Variants in IQSEC3 observed in about 807,000 individuals in gnomAD.
IQSEC3 encodes the protein IQ motif and Sec7 domain ArfGEF 3.
Under a neutral mutation model 105.4 loss-of-function variants are expected in IQSEC3, and 50 were observed. That is an observed-to-expected ratio of 0.47 (90% CI 0.38 to 0.60). The LOEUF is 0.60. IQSEC3 is among the 20% of genes least tolerant of loss of function. IQSEC3 has a pLI of 0.00. For missense variants in IQSEC3, 1,415 were observed against 1,630.0 expected (o/e 0.87, Z 2.27); for synonymous variants, 708 against 746.0 (o/e 0.95, Z 0.83).
At chr12:154,696 C>T (rs60745567) in intron 5 of IQSEC3, among the ~76,000 whole-genome samples, 3,700 of 152,270 alleles carry the variant, frequency 0.024, 153 homozygotes, top group African/African-American at 0.086. Context: ...TTCATCTCTA[C>T]CAGACTTCTT....
chr12:115,563 G>A (rs782566756), intron 2 of IQSEC3, among the ~76,000 whole-genome samples: 1 of 152,170 alleles, frequency 6.6e-6, no homozygotes. Flanking sequence ...ATGCATAAAG[G>A]GCCCAGATTA....
chr12:168,231 CAAG>C (rs1295531254), intron 11 of IQSEC3, among the ~76,000 whole-genome samples: 1 of 152,214 alleles, frequency 6.6e-6, no homozygotes, highest in Non-Finnish European at 1.5e-5. Context: ...GAGAGAAGAA[CAAG>C]AAGGAACAGG....
intron 2 of IQSEC3, among the ~76,000 whole-genome samples, chr12:117,653 A>C (rs1040336291): frequency 6.6e-6 from 1 of 152,230 alleles, no homozygotes; most frequent in African/African-American, 2.4e-5. Context: ...ACCCTTTGAC[A>C]GGAACACTCT....
intron 1 of IQSEC3, chr12:77,630 G>A (rs1311302353): frequency 2.5e-6 from 1 of 392,476 alleles, no homozygotes; most frequent in Non-Finnish European, 3.5e-6. Flanking sequence ...AGGTACCCGG[G>A]GGCCCTGGGG....
chr12:82,154 T>A (rs1863766382), intron 1 of IQSEC3, among the ~76,000 whole-genome samples: 1 of 152,138 alleles, frequency 6.6e-6, no homozygotes, highest in Non-Finnish European at 1.5e-5. Context: ...AATTTGAACG[T>A]AGATGAAGTA....
chr12:156,467 G>A (rs943624700), intron 5 of IQSEC3, among the ~76,000 whole-genome samples: 9 of 152,002 alleles, frequency 5.9e-5, no homozygotes, highest in South Asian at 4.2e-4. Flanking sequence ...CAGCTGGGGG[G>A]AGCTGGGGCA....
At chr12:78,090 G>A (rs1410776755) in intron 1 of IQSEC3, among the ~76,000 whole-genome samples, 1 of 151,188 alleles carries the variant, frequency 6.6e-6, no homozygotes, top group Non-Finnish European at 1.5e-5. Context: ...TGAGTCACCC[G>A]CGAAGGGAAG....
intron 7 of IQSEC3, among the ~76,000 whole-genome samples, chr12:159,062 G>A (rs1377921279): frequency 2.0e-5 from 3 of 152,160 alleles, no homozygotes; most frequent in African/African-American, 7.2e-5. Flanking sequence ...TCCCACTCAC[G>A]TCAGTGCTCA....
chr12:120,625 C>A (rs1865187589), intron 2 of IQSEC3, among the ~76,000 whole-genome samples: 1 of 152,122 alleles, frequency 6.6e-6, no homozygotes, highest in Admixed American at 6.5e-5. Flanking sequence ...CCTGAGTGAC[C>A]CTCGGATGTG....
At chr12:168,643 T>C (rs564060121) in intron 11 of IQSEC3, among the ~76,000 whole-genome samples, 1 of 152,102 alleles carries the variant, frequency 6.6e-6, no homozygotes, top group African/African-American at 2.4e-5. Context: ...CACCGTGAAG[T>C]GGGCCTGGCT....
intron 1 of IQSEC3, among the ~76,000 whole-genome samples, chr12:74,906 T>C (rs1255755301): frequency 6.6e-6 from 1 of 152,284 alleles, no homozygotes; most frequent in Non-Finnish European, 1.5e-5. Flanking sequence ...TCTTAACTCT[T>C]CATCCACTGC....
chr12:109,553 C>T (rs1106984), intron 2 of IQSEC3, among the ~76,000 whole-genome samples: 85,888 of 151,828 alleles, frequency 0.57, 26,207 homozygotes, highest in East Asian at 0.89. Flanking sequence ...TAGTCTTTGC[C>T]GTACGCAACC....
chr12:153,029 A>C (rs1269371945), intron 5 of IQSEC3, among the ~76,000 whole-genome samples: 1 of 152,112 alleles, frequency 6.6e-6, no homozygotes, highest in African/African-American at 2.4e-5. Flanking sequence ...GAAAGTGGGA[A>C]TTAGGAGTGC....
intron 2 of IQSEC3, among the ~76,000 whole-genome samples, chr12:117,083 A>G (rs935451626): frequency 2.6e-5 from 4 of 152,220 alleles, no homozygotes; most frequent in African/African-American, 9.6e-5. Flanking sequence ...CTGAAGCCAC[A>G]GGGAGATGAC....
intron 5 of IQSEC3, chr12:141,603 G>C (rs1203480121): frequency 2.5e-5 from 8 of 314,418 alleles, no homozygotes; most frequent in Admixed American, 1.4e-4. Flanking sequence ...GAAAAGGAAA[G>C]GGCTTGTGTC....
At chr12:172,782 G>A (rs78104884) in intron 13 of IQSEC3, among the ~76,000 whole-genome samples, 7,512 of 152,288 alleles carry the variant, frequency 0.049, 240 homozygotes, top group Middle Eastern at 0.071. Flanking sequence ...TCAGATGAGA[G>A]GACATTTTGC....
At chr12:69,086 T>TC (rs1251507196) in intron 1 of IQSEC3, among the ~76,000 whole-genome samples, 1 of 152,150 alleles carries the variant, frequency 6.6e-6, no homozygotes, top group Non-Finnish European at 1.5e-5. Context: ...AGTGGTCTTT[T>TC]CCCCCACATG....
intron 1 of IQSEC3, among the ~76,000 whole-genome samples, chr12:85,560 G>A (rs1423918563): frequency 6.6e-6 from 1 of 152,242 alleles, no homozygotes; most frequent in Admixed American, 6.5e-5. Flanking sequence ...CAGGAAGAGA[G>A]ACAGTGGCAT....
chr12:151,185 T>C (rs1866497448), intron 5 of IQSEC3, among the ~76,000 whole-genome samples: 1 of 90,280 alleles, frequency 1.1e-5, no homozygotes, highest in Non-Finnish European at 2.5e-5. Context: ...TCTCCTGAGA[T>C]GATTCAGTAG....
Sources: allele counts gnomAD v4.1 joint callset (sites outside exome capture counted in the v4.1 genomes callset), GRCh38; gene constraint gnomAD v4.1.1; transcripts MANE v1.5; gene names NCBI Gene and HGNC (gene_info 2026-07-23, HGNC 2026-07-21).